Variants in CDK5RAP2 observed in about 807,000 individuals in gnomAD.
CDK5RAP2 encodes CDK5 regulatory subunit-associated protein 2.
In CDK5RAP2, 147 loss-of-function variants were observed where a neutral mutation model predicts 232.9. That is an observed-to-expected ratio of 0.63 (90% CI 0.55 to 0.72). CDK5RAP2 has a LOEUF of 0.72. Among genes scored for constraint, CDK5RAP2 ranks in the 30% least tolerant of loss-of-function variants. CDK5RAP2 has a pLI of 0.00. For missense variants in CDK5RAP2, 2,195 were observed against 2,231.5 expected (o/e 0.98, Z 0.33); for synonymous variants, 833 against 833.7 (o/e 1.00, Z 0.01).
At chr9:120,506,069 G>A (rs1448439693) in intron 12 of CDK5RAP2, among the ~76,000 whole-genome samples, 2 of 152,180 alleles carry the variant, frequency 1.3e-5, no homozygotes, top group Non-Finnish European at 2.9e-5. Flanking sequence ...AGCTAAAGAG[G>A]AGCAGTCAAT....
chr9:120,494,543 G>A (rs1564295753), intron 12 of CDK5RAP2, among the ~76,000 whole-genome samples: 3 of 152,066 alleles, frequency 2.0e-5, no homozygotes, highest in Non-Finnish European at 1.5e-5. Context: ...AATAAATAAT[G>A]ATAGTAATGG....
At position 120,487,169 on chromosome 9, in the gene CDK5RAP2, G is replaced by A. The variant is rs532698500; in HGVS notation, c.1626+125C>T. On this transcript the variant is annotated intron_variant, in intron 14 of 37. Transcript: ENST00000349780. ...AGGCTAAGAACTCCTCCTCCTACCTGTTGTAGGCTCAGTTACCAACAAGAA... is the reference window on the plus strand; with the variant it reads ...AGGCTAAGAACTCCTCCTCCTACCTATTGTAGGCTCAGTTACCAACAAGAA... 6 of 1,005,500 alleles carry A rather than the reference G, an allele frequency of 6.0e-6. No individual in the cohort carries two copies. The African/African-American group carries it at 9.5e-5, about 16-fold the overall frequency. 62.3% of individuals were successfully genotyped at this position (1,005,500 alleles called of 1,614,324 possible).
chr9:120,422,232 C>T (rs900143665), intron 26 of CDK5RAP2, among the ~76,000 whole-genome samples: 1 of 152,142 alleles, frequency 6.6e-6, no homozygotes, highest in African/African-American at 2.4e-5. Flanking sequence ...GATTTTCGAA[C>T]TTCAAGAGGA....
intron 19 of CDK5RAP2, 119 bp from the exon 20 acceptor site, chr9:120,458,741 C>T: frequency 1.2e-6 from 1 of 855,410 alleles, no homozygotes; most frequent in East Asian, 2.6e-5. Context: ...CACACTGAGC[C>T]AGAGAGAAAC....
At chr9:120,422,344 G>C (rs1389161906) in intron 26 of CDK5RAP2, among the ~76,000 whole-genome samples, 1 of 152,174 alleles carries the variant, frequency 6.6e-6, no homozygotes, top group Non-Finnish European at 1.5e-5. Flanking sequence ...GAATGGGCAG[G>C]GGAGAAGAGA....
In CDK5RAP2 at chr9:120,403,825, C is replaced by A. The variant is rs745422005; in HGVS notation, c.5041+211G>T. On this transcript the variant is annotated intron_variant, in intron 33 of 37. Transcript: ENST00000349780. The surrounding 1 kb of genome is among the most constrained non-coding windows in gnomAD (Gnocchi z 4.2). ...CAATTTTAATCTAAGGCAAGAGGGA[C>A]CCAATGATGTTCTAACCTTGGTAAC... 6.6e-6 allele frequency among the ~76,000 whole-genome samples: 1 copy of A among 152,138 alleles called. No homozygotes were observed. Among genetic ancestry groups the A allele is most frequent in the Non-Finnish European group, 1.5e-5 (1 of 68,020 alleles).
At chr9:120,578,539 C>T (rs929824609) in intron 1 of CDK5RAP2, among the ~76,000 whole-genome samples, 4 of 150,104 alleles carry the variant, frequency 2.7e-5, no homozygotes, top group Middle Eastern at 3.4e-3. Context: ...GTCTGCTGCC[C>T]GGGCATAAAT....
intron 11 of CDK5RAP2, among the ~76,000 whole-genome samples, chr9:120,519,667 C>T (rs1168251735): frequency 1.3e-5 from 2 of 152,204 alleles, no homozygotes; most frequent in Non-Finnish European, 2.9e-5. Context: ...ATACTTGCAG[C>T]CAAGGACAAG....
At chr9:120,463,065 T>A (rs1564253604) in intron 18 of CDK5RAP2, among the ~76,000 whole-genome samples, 1 of 152,098 alleles carries the variant, frequency 6.6e-6, no homozygotes, top group African/African-American at 2.4e-5. Flanking sequence ...GTCTTTCCCA[T>A]CTTTTAAAAA....
intron 10 of CDK5RAP2, among the ~76,000 whole-genome samples, chr9:120,525,898 G>A (rs759423368): frequency 5.9e-5 from 9 of 152,230 alleles, no homozygotes; most frequent in Non-Finnish European, 8.8e-5. Flanking sequence ...GATAAAAGGC[G>A]TAAGCCACCA....
At chr9:120,426,559 T>C (rs912485772) in intron 25 of CDK5RAP2, among the ~76,000 whole-genome samples, 2 of 152,292 alleles carry the variant, frequency 1.3e-5, no homozygotes, top group Admixed American at 6.5e-5. Flanking sequence ...CCAAGGCTTT[T>C]CTTATGTGGA....
chr9:120,407,798 T>C (rs1344114711), intron 31 of CDK5RAP2: 3 of 186,458 alleles, frequency 1.6e-5, no homozygotes, highest in Admixed American at 5.4e-5. Context: ...AGCTGGTATC[T>C]CTCCTGGGAT....
At chr9:120,470,284 C>A (rs1437312273) in intron 16 of CDK5RAP2, 64 bp from the exon 17 acceptor site, 1 of 762,216 alleles carries the variant, frequency 1.3e-6, no homozygotes, top group Non-Finnish European at 2.2e-6. Flanking sequence ...AGAAACAGAT[C>A]CTCCCAAGAC....
Position 120,572,042 on chromosome 9 carries a change from C to T in CDK5RAP2, c.60-1G>A. ...ATCTGGTACACTGGGAACAAGGCCA[C>T]TAGGAGAGAACACATGAGATAAGAG... On this transcript the variant is annotated splice_acceptor_variant, in intron 1 of 37. Transcript: ENST00000349780. LOFTEE classifies it high-confidence loss of function. 6.2e-7 allele frequency: 1 copy of T among 1,611,382 alleles called. No individual in the cohort carries two copies. Among genetic ancestry groups the T allele is most frequent in the Non-Finnish European group, 8.5e-7 (1 of 1,177,524 alleles).
Position 120,453,667 on chromosome 9 carries a change from C to T in CDK5RAP2, c.2582G>A (p.Gly861Asp). The change falls in exon 21 of 38, where the codon GGC becomes GAC. Residue 861 changes from glycine (G) to aspartate (D), a missense_variant. Coordinates refer to ENST00000349780, the MANE Select transcript of CDK5RAP2 (RefSeq NM_018249.6). ...TTTCAGTCCTACCTTGGGCACTTCG[C>T]CTGCCTTTACTAGCTGGGCCTCACA... is the stretch of plus-strand genomic sequence containing the variant. The part of the protein sequence containing the change: ...LSCEAQLVKA[G>D]EVPKVGLKDA... 1.2e-6 allele frequency: 2 copies of T among 1,614,216 alleles called. No homozygotes were observed. Among genetic ancestry groups the T allele is most frequent in the Non-Finnish European group, 1.7e-6 (2 of 1,180,042 alleles).
At chr9:120,470,320 C>A in intron 16 of CDK5RAP2, 100 bp from the exon 17 acceptor site, 1 of 641,544 alleles carries the variant, frequency 1.6e-6, no homozygotes, top group Non-Finnish European at 2.8e-6. Flanking sequence ...CCATCCAAAG[C>A]AATGTGAATG....
At chr9:120,484,584 C>T (rs1255281116) in intron 14 of CDK5RAP2, among the ~76,000 whole-genome samples, 2 of 152,004 alleles carry the variant, frequency 1.3e-5, no homozygotes, top group Non-Finnish European at 2.9e-5. Context: ...ATTAGCCAGG[C>T]ATGGTGGCAC....
At chr9:120,454,619 T>C (rs912763674) in intron 20 of CDK5RAP2, among the ~76,000 whole-genome samples, 53 of 152,194 alleles carry the variant, frequency 3.5e-4, no homozygotes, top group African/African-American at 1.3e-3. Context: ...ATAGACATAG[T>C]CCCACCTCAA....
intron 12 of CDK5RAP2, among the ~76,000 whole-genome samples, chr9:120,492,013 GA>G (rs554414572): frequency 2.3e-4 from 34 of 149,752 alleles, no homozygotes; most frequent in Non-Finnish European, 1.9e-4. Flanking sequence ...TCATAATCAG[GA>G]AAAAAACTGT....
Sources: allele counts gnomAD v4.1 joint callset (sites outside exome capture counted in the v4.1 genomes callset), GRCh38; gene constraint gnomAD v4.1.1; non-coding constraint Gnocchi (gnomAD v3.1); transcripts MANE v1.5; gene names NCBI Gene and HGNC (gene_info 2026-07-23, HGNC 2026-07-21).